Variants in PCBP2 observed in about 807,000 individuals in gnomAD.
PCBP2 encodes poly(rC)-binding protein 2.
In PCBP2, 4 loss-of-function variants were observed where a neutral mutation model predicts 50.1. That is an observed-to-expected ratio of 0.08 (90% CI 0.04 to 0.18). The LOEUF is 0.18. Among genes scored for constraint, PCBP2 ranks in the 10% least tolerant of loss-of-function variants. The pLI, the probability that PCBP2 is intolerant of heterozygous loss-of-function variation, is 1.00. For synonymous variants in PCBP2, 179 were observed against 168.0 expected (o/e 1.07, Z -0.51); for missense variants, 161 against 474.3 (o/e 0.34, Z 6.14).
At chr12:53,472,835 G>T (rs784563) in intron 14 of PCBP2, among the ~76,000 whole-genome samples, 68,022 of 151,886 alleles carry the variant, frequency 0.45, 16,282 homozygotes, top group Middle Eastern at 0.56. Flanking sequence ...TTCATATCTT[G>T]AGGTGCTACT....
chr12:53,464,936 C>A, intron 9 of PCBP2, 84 bp downstream of exon 9: 1 of 1,450,336 alleles, frequency 6.9e-7, no homozygotes, highest in Non-Finnish European at 9.0e-7. Context: ...GCCAGTGGCG[C>A]TGGTGATTTT....
intron 6 of PCBP2, chr12:53,459,707 G>A: frequency 3.9e-6 from 1 of 259,492 alleles, no homozygotes; most frequent in Non-Finnish European, 7.9e-6. Flanking sequence ...CATGTCTCAA[G>A]GGATGAGTTT....
chr12:53,467,945 C>T (rs1316670181), intron 12 of PCBP2, 102 bp downstream of exon 12: 4 of 946,564 alleles, frequency 4.2e-6, no homozygotes, highest in Non-Finnish European at 5.1e-6. Flanking sequence ...GCAACATGCA[C>T]ATGGCAGAGA....
chr12:53,455,899 C>T lies in PCBP2; in HGVS notation c.141C>T (p.Ile47=), dbSNP rs762779632. ...TTCCTATCTAGAGTGGTGCACGTAT[C>T]AACATCTCAGAAGGGAATTGTCCTG... ...KKMREESGAR[I]NISEGNCPER... is the part of the protein sequence containing the mutation. The change falls in exon 5 of 15, where the codon ATC becomes ATT. Residue 47 remains isoleucine, a synonymous_variant. Coordinates refer to ENST00000546463, the MANE Select transcript of PCBP2 (RefSeq NM_031989.5). 1.5e-5 allele frequency: 24 copies of T among 1,609,928 alleles called. No homozygotes were observed. In the East Asian group the frequency reaches 5.4e-4, roughly 36 times the overall value.
At chr12:53,458,311 TTTGTTTTG>T (rs1941196829) in intron 5 of PCBP2, among the ~76,000 whole-genome samples, 3 of 151,922 alleles carry the variant, frequency 2.0e-5, no homozygotes, top group South Asian at 4.2e-4. Context: ...TTGTTTTTGT[TTTGTTTTG>T]TTTTGAGATG....
chr12:53,470,434 TC>T (rs1942139386), intron 13 of PCBP2, among the ~76,000 whole-genome samples: 1 of 141,844 alleles, frequency 7.1e-6, no homozygotes, highest in Non-Finnish European at 1.5e-5. Flanking sequence ...ACAAAGGGTC[TC>T]CCTCTGTTGC....
At chr12:53,455,540 C>T in intron 4 of PCBP2, 47 bp downstream of exon 4, 1 of 1,583,510 alleles carries the variant, frequency 6.3e-7, no homozygotes, top group African/African-American at 1.3e-5. Flanking sequence ...AGTAAAAAAC[C>T]TTTAAAACAA....
intron 1 of PCBP2, chr12:53,453,170 T>C (rs1384390127): frequency 6.6e-6 from 1 of 151,950 alleles, no homozygotes; most frequent in Non-Finnish European, 1.5e-5. Context: ...CTTTGTACTT[T>C]ACCTCAAGAA....
Position 53,465,990 on chromosome 12 carries a change from C to G in PCBP2, c.714+17C>G. 6.2e-7 allele frequency: 1 copy of G among 1,612,264 alleles called. No individual in the cohort carries two copies. Among genetic ancestry groups the G allele is most frequent in the Non-Finnish European group, 8.5e-7 (1 of 1,178,378 alleles). On this transcript the variant is annotated intron_variant, in intron 10 of 14. Transcript: ENST00000546463. ...CAGCCAGATGTAAGTTTTGTTTTCA[C>G]TTCTTGTTTTGAAAAGCTCCCTCTC... is the stretch of plus-strand genomic sequence containing the variant.
chr12:53,469,180 G>A lies in PCBP2; in HGVS notation c.882+348G>A, dbSNP rs145373573. On this transcript the variant is annotated intron_variant, in intron 13 of 14. Coordinates refer to ENST00000546463, the MANE Select transcript of PCBP2 (RefSeq NM_031989.5). The stretch of plus-strand genomic sequence containing the variant: ...GCCTCCCAAAGTGCTGGGATTACAG[G>A]TCTGAGTCACCGCACTTGGCCTACA... 4.3e-3 allele frequency among the ~76,000 whole-genome samples: 653 copies of A among 152,126 alleles called. 6 individuals are homozygous for A. Among genetic ancestry groups the A allele is most frequent in the African/African-American group, 0.015 (613 of 41,506 alleles).
At chr12:53,465,999 T>C (rs916699229) in intron 10 of PCBP2, 26 bp downstream of exon 10, 3 of 1,609,858 alleles carry the variant, frequency 1.9e-6, no homozygotes, top group Admixed American at 1.7e-5. Flanking sequence ...ACTTCTTGTT[T>C]TGAAAAGCTC....
chr12:53,462,498 C>T lies in PCBP2; in HGVS notation c.510C>T (p.Pro170=), dbSNP rs781464109. 6.2e-7 allele frequency: 1 copy of T among 1,611,734 alleles called. No homozygotes were observed. Among genetic ancestry groups the T allele is most frequent in the East Asian group, 2.2e-5 (1 of 44,818 alleles). ...KQICVVMLES[P]PKGVTIPYRP... ...CCCCTCTGACTCTCTCCCAGTCCCCCCCGAAGGGCGTGACCATCCCGTACC... is the reference window on the plus strand; with the variant it reads ...CCCCTCTGACTCTCTCCCAGTCCCCTCCGAAGGGCGTGACCATCCCGTACC... Residue 170 remains proline, a synonymous_variant, in exon 8 of 15, where the codon CCC becomes CCT. Transcript: ENST00000546463.
intron 5 of PCBP2, among the ~76,000 whole-genome samples, chr12:53,458,309 GTTTTGT>G (rs1462167993): frequency 6.3e-4 from 30 of 47,926 alleles, no homozygotes; most frequent in African/African-American, 1.2e-3. Context: ...TTTTGTTTTT[GTTTTGT>G]TTTGTTTTGA....
intron 14 of PCBP2, among the ~76,000 whole-genome samples, chr12:53,478,503 AAAAT>A (rs527585448): frequency 4.1e-4 from 62 of 151,884 alleles, no homozygotes; most frequent in Middle Eastern, 3.4e-3. Context: ...CAGTCTCAAA[AAAAT>A]AAATAAATAA....
intron 7 of PCBP2, among the ~76,000 whole-genome samples, chr12:53,461,524 T>C (rs1010359525): frequency 2.6e-5 from 4 of 152,210 alleles, no homozygotes; most frequent in Admixed American, 1.3e-4. Flanking sequence ...ACTTGTCACT[T>C]TGTAGGAGGG....
At chr12:53,471,531 C>T (rs1721967849) in intron 13 of PCBP2, 107 bp from the exon 14 acceptor site, 2 of 1,066,992 alleles carry the variant, frequency 1.9e-6, no homozygotes, top group African/African-American at 1.6e-5. Flanking sequence ...CAGGCCACTG[C>T]ACTCCAGCCT....
At chr12:53,461,564 T>G (rs181540781) in intron 7 of PCBP2, among the ~76,000 whole-genome samples, 1 of 152,140 alleles carries the variant, frequency 6.6e-6, no homozygotes. Flanking sequence ...AGTAGAAAAA[T>G]GTATGTATGA....
rs1200779351 is a variant in PCBP2 at position 53,468,790 on chromosome 12, A to T, written c.840A>T (p.Ala280=). ...TCTGTCTTTTAGCAGGTTTGGATGC[A>T]TCTGCTCAGACTACTTCTCATGAAC... ...EVKGYWAGLD[A]SAQTTSHELT... The change falls in exon 13 of 15, where the codon GCA becomes GCT. Residue 280 remains alanine, a synonymous_variant. Coordinates refer to ENST00000546463, the MANE Select transcript of PCBP2 (RefSeq NM_031989.5). The T allele has an allele frequency of 1.9e-5, 31 of 1,613,598 alleles. No individual in the cohort carries two copies. Among genetic ancestry groups the T allele is most frequent in the Non-Finnish European group, 2.5e-5 (29 of 1,179,612 alleles).
Position 53,479,602 on chromosome 12 carries a change from G to A in PCBP2, c.*160G>A, listed in dbSNP as rs1337339684. ...CCACTCGTGATTTTTTAATTAAAGC[G>A]TTTTAATTCCTTTCTCTGTTCAGCT... On this transcript the variant is annotated 3_prime_UTR_variant, in exon 15 of 15. Coordinates refer to ENST00000546463, the MANE Select transcript of PCBP2 (RefSeq NM_031989.5). 6 of 466,878 alleles carry A rather than the reference G, an allele frequency of 1.3e-5. No homozygotes were observed. The highest frequency in any genetic ancestry group is 6.3e-5 in the African/African-American group (3 of 47,692). 28.9% of individuals were successfully genotyped at this position (466,878 alleles called of 1,614,324 possible).
Sources: gnomAD v4.1 joint callset for allele counts (sites outside exome capture counted in the v4.1 genomes callset) on GRCh38, gnomAD v4.1.1 for gene constraint, MANE v1.5 for transcripts, NCBI Gene and HGNC (gene_info 2026-07-23, HGNC 2026-07-21) for gene names.